OR9Q1: variants seen among roughly 807,000 people sequenced by gnomAD.
OR9Q1 encodes the protein olfactory receptor family 9 subfamily Q member 1.
For synonymous variants in OR9Q1, 153 were observed against 148.6 expected, an observed-to-expected ratio of 1.03 and a Z score of -0.22; for missense variants, 374 against 378.8, an observed-to-expected ratio of 0.99 and a Z score of 0.11.
At chr11:58,127,093 G>A (rs899950872) in intron 2 of OR9Q1, among the ~76,000 whole-genome samples, 2 of 152,192 alleles carry the variant, frequency 1.3e-5, no homozygotes, top group Non-Finnish European at 2.9e-5. Flanking sequence ...AGGACTACAG[G>A]CATGTGCCAC....
In OR9Q1 at chr11:58,037,669, ATATATATATATATATATAT is replaced by A. The variant is rs1312140697; in HGVS notation, c.-93+13566_-93+13584del. On this transcript the variant is annotated intron_variant, in intron 1 of 2. Transcript: ENST00000335397. ...AAAGAATAACTATATATATATATAT[ATATATATATATATATATAT>A]ATTTTTTTTTTTTTTTTTTTTTTTT... Among the ~76,000 whole-genome samples the A allele has an allele frequency of 8.5e-4, 6 of 7,040 alleles. 1 individual carries two copies. The highest frequency in any genetic ancestry group is 2.1e-3 in the Non-Finnish European group (5 of 2,334). The allele number at this position is 7,040 out of a possible 152,430, so 4.6% of individuals were successfully genotyped here.
chr11:58,067,546 G>A (rs962493486), intron 2 of OR9Q1, among the ~76,000 whole-genome samples: 1 of 152,170 alleles, frequency 6.6e-6, no homozygotes, highest in African/African-American at 2.4e-5. Flanking sequence ...GACAAACACA[G>A]TCAAGGTTCC....
chr11:58,074,617 C>T (rs1790261225), intron 2 of OR9Q1, among the ~76,000 whole-genome samples: 1 of 152,028 alleles, frequency 6.6e-6, no homozygotes, highest in Non-Finnish European at 1.5e-5. Flanking sequence ...TAATTAGGTC[C>T]CATTTATCAA....
intron 2 of OR9Q1, among the ~76,000 whole-genome samples, chr11:58,143,898 G>A (rs922229506): frequency 3.9e-5 from 6 of 152,020 alleles, no homozygotes; most frequent in South Asian, 4.1e-4. Context: ...TATGTGCTTC[G>A]AAGGATTTCT....
At chr11:58,101,062 A>G (rs576321669) in intron 2 of OR9Q1, among the ~76,000 whole-genome samples, 1 of 152,168 alleles carries the variant, frequency 6.6e-6, no homozygotes, top group Non-Finnish European at 1.5e-5. Flanking sequence ...AATGGGTACA[A>G]AAATACAGTT....
intron 2 of OR9Q1, among the ~76,000 whole-genome samples, chr11:58,154,775 G>A (rs913989648): frequency 6.6e-6 from 1 of 152,062 alleles, no homozygotes; most frequent in Admixed American, 6.5e-5. Flanking sequence ...AGTTTCCCAA[G>A]GTCACATAAC....
chr11:58,112,113 C>T (rs1472380709), intron 2 of OR9Q1, among the ~76,000 whole-genome samples: 1 of 151,696 alleles, frequency 6.6e-6, no homozygotes, highest in Non-Finnish European at 1.5e-5. Context: ...CATGGTGAAA[C>T]TCTGTCTCTA....
At chr11:58,076,271 G>T (rs1472100697) in intron 2 of OR9Q1, among the ~76,000 whole-genome samples, 1 of 152,186 alleles carries the variant, frequency 6.6e-6, no homozygotes, top group Non-Finnish European at 1.5e-5. Flanking sequence ...CAGCATAGAG[G>T]TTATCTGCTC....
At chr11:58,141,583 T>C (rs1854249511) in intron 2 of OR9Q1, among the ~76,000 whole-genome samples, 1 of 152,220 alleles carries the variant, frequency 6.6e-6, no homozygotes, top group African/African-American at 2.4e-5. Context: ...TTGATCATGG[T>C]GGATAAGCTT....
chr11:58,108,971 C>A (rs570943643), intron 2 of OR9Q1: 57 of 399,438 alleles, frequency 1.4e-4, no homozygotes, highest in African/African-American at 1.1e-3. Flanking sequence ...TACCCACCTG[C>A]CGACTTCACC....
At chr11:58,123,927 T>C (rs1020964608) in intron 2 of OR9Q1, among the ~76,000 whole-genome samples, 2 of 152,208 alleles carry the variant, frequency 1.3e-5, no homozygotes, top group African/African-American at 4.8e-5. Flanking sequence ...AGTTGGACCA[T>C]ATCCCTCTTG....
At chr11:58,177,099 G>A (rs1308869789) in intron 2 of OR9Q1, among the ~76,000 whole-genome samples, 7 of 152,158 alleles carry the variant, frequency 4.6e-5, no homozygotes, top group South Asian at 2.1e-4. Flanking sequence ...AGCTGCCAAA[G>A]TCTTATGCTT....
chr11:58,055,954 A>C lies in OR9Q1; in HGVS notation c.-15+7A>C, dbSNP rs1853324102. 1 of 152,538 alleles carries C rather than the reference A, an allele frequency of 6.6e-6. No homozygotes were observed. The highest frequency in any genetic ancestry group is 1.5e-5 in the Non-Finnish European group (1 of 68,362). The allele number at this position is 152,538 out of a possible 1,614,324, so 9.4% of individuals were successfully genotyped here. On this transcript the variant is annotated splice_region_variant and intron_variant, in intron 2 of 2. Coordinates refer to ENST00000335397, the MANE Select transcript of OR9Q1 (RefSeq NM_001005212.4). ...CTTCCCAGCCTCCTGAACTGTAAGC[A>C]ATATATTTCTATTATTTATAAGTTA...
At position 58,070,931 on chromosome 11, in the gene OR9Q1, T is replaced by C. The variant is rs146162505; in HGVS notation, c.-15+14984T>C. ...CCCATTCCCTTCTGCTACCCACAGATGTCCCTAGTCTCATGGCTGACGCTG... is the reference window on the plus strand; with the variant it reads ...CCCATTCCCTTCTGCTACCCACAGACGTCCCTAGTCTCATGGCTGACGCTG... On this transcript the variant is annotated intron_variant, in intron 2 of 2. Transcript: ENST00000335397. Among the ~76,000 whole-genome samples, 856 of 152,330 alleles carry C rather than the reference T, an allele frequency of 5.6e-3. 10 individuals carry two copies. Among genetic ancestry groups the C allele is most frequent in the Middle Eastern group, 0.027 (8 of 294 alleles).
chr11:58,029,295 T>C (rs1853005560), intron 1 of OR9Q1, among the ~76,000 whole-genome samples: 1 of 152,128 alleles, frequency 6.6e-6, no homozygotes, highest in Admixed American at 6.5e-5. Flanking sequence ...GGGACTTAGT[T>C]CCTCTCCACC....
chr11:58,127,976 G>T (rs1370019710), intron 2 of OR9Q1, among the ~76,000 whole-genome samples: 1 of 152,014 alleles, frequency 6.6e-6, no homozygotes, highest in African/African-American at 2.4e-5. Context: ...TAATTTTTAA[G>T]TCAATTTTAT....
chr11:58,175,374 A>G (rs551222433), intron 2 of OR9Q1, among the ~76,000 whole-genome samples: 1 of 152,012 alleles, frequency 6.6e-6, no homozygotes, highest in East Asian at 1.9e-4. Context: ...CCCCTTTCCT[A>G]AAGAGTTTTG....
intron 2 of OR9Q1, among the ~76,000 whole-genome samples, chr11:58,083,844 C>A (rs953698676): frequency 6.6e-6 from 1 of 151,874 alleles, no homozygotes; most frequent in Non-Finnish European, 1.5e-5. Context: ...CAGTACCATG[C>A]TGTTTTGGTT....
intron 2 of OR9Q1, among the ~76,000 whole-genome samples, chr11:58,144,187 C>T (rs1028634529): frequency 8.2e-6 from 1 of 121,912 alleles, no homozygotes; most frequent in Non-Finnish European, 1.7e-5. Flanking sequence ...CCTCCCCCCA[C>T]CCCACAACAG....
Sources: allele counts gnomAD v4.1 joint callset (sites outside exome capture counted in the v4.1 genomes callset), GRCh38; gene constraint gnomAD v4.1.1; transcripts MANE v1.5; gene names NCBI Gene and HGNC (gene_info 2026-07-23, HGNC 2026-07-21).